The following PTPRT variants were observed in gnomAD, a reference collection of about 807,000 sequenced individuals.
The protein encoded by PTPRT is protein tyrosine phosphatase receptor type T.
PTPRT carries 56 observed loss-of-function variants against 176.8 expected under a neutral mutation model. The ratio of observed to expected loss-of-function variants is 0.32; its 90% CI spans 0.26 to 0.40. The LOEUF is 0.40. Ranked by LOEUF, PTPRT falls within the 10% of genes least tolerant of loss-of-function variation. PTPRT has a pLI of 1.00. For missense variants in PTPRT, 1,540 were observed against 1,908.2 expected (o/e 0.81, Z 3.60); for synonymous variants, 783 against 739.0 (o/e 1.06, Z -0.96).
chr20:42,638,345 T>C (rs908507202), intron 7 of PTPRT, among the ~76,000 whole-genome samples: 3 of 152,096 alleles, frequency 2.0e-5, no homozygotes, highest in African/African-American at 7.2e-5. Flanking sequence ...TACTTTGCCC[T>C]GCCTGAGCGG....
chr20:42,574,604 G>C (rs933329975), intron 7 of PTPRT, among the ~76,000 whole-genome samples: 2 of 152,102 alleles, frequency 1.3e-5, no homozygotes, highest in African/African-American at 4.8e-5. Context: ...GGCAGCCCAG[G>C]TGCTACTCAG....
At chr20:42,154,386 C>T (rs1190380250) in intron 17 of PTPRT, among the ~76,000 whole-genome samples, 1 of 152,174 alleles carries the variant, frequency 6.6e-6, no homozygotes, top group African/African-American at 2.4e-5. Flanking sequence ...TCAAAAGCTG[C>T]CTGCCTGCCA....
At chr20:42,316,036 T>G (rs2057716821) in intron 11 of PTPRT, 40 bp from the exon 12 acceptor site, 3 of 1,602,986 alleles carry the variant, frequency 1.9e-6, no homozygotes, top group African/African-American at 2.7e-5. Context: ...TGAGCAACTT[T>G]CTGGAAGAAT....
chr20:42,574,036 C>T (rs542316442), intron 7 of PTPRT, among the ~76,000 whole-genome samples: 9 of 152,090 alleles, frequency 5.9e-5, no homozygotes, highest in Non-Finnish European at 1.2e-4. Flanking sequence ...CGTGAGCCAC[C>T]GCACCCAGCA....
chr20:42,184,569 T>TCTTCTTCTTCTC (rs1990671559), intron 16 of PTPRT, among the ~76,000 whole-genome samples: 2 of 135,696 alleles, frequency 1.5e-5, no homozygotes, highest in African/African-American at 5.7e-5. Flanking sequence ...TTATTCTTCT[T>TCTTCTTCTTCTC]CTTCTTCTTC....
intron 17 of PTPRT, among the ~76,000 whole-genome samples, chr20:42,142,256 G>C (rs1312987125): frequency 6.6e-6 from 1 of 152,076 alleles, no homozygotes; most frequent in African/African-American, 2.4e-5. Flanking sequence ...GGAATCGCTT[G>C]TCCATTCATT....
chr20:42,730,265 G>C (rs1044520628), intron 6 of PTPRT, among the ~76,000 whole-genome samples: 1 of 152,188 alleles, frequency 6.6e-6, no homozygotes, highest in Non-Finnish European at 1.5e-5. Flanking sequence ...TGGGCTTCCA[G>C]ACTCACTGCT....
chr20:42,216,659 G>A (rs1298802853), intron 15 of PTPRT, among the ~76,000 whole-genome samples: 3 of 152,164 alleles, frequency 2.0e-5, no homozygotes, highest in Non-Finnish European at 2.9e-5. Flanking sequence ...ACATGTTTAT[G>A]GAATGAATGA....
At chr20:42,037,953 A>G in the PTPRT span, among the ~76,000 whole-genome samples, 6 of 152,286 alleles carry the variant, frequency 3.9e-5, no homozygotes, top group East Asian at 5.8e-4. Context: ...CAGCAATAGC[A>G]GGTAACATTT....
At chr20:42,545,008 C>T (rs924934454) in intron 7 of PTPRT, among the ~76,000 whole-genome samples, 2 of 152,154 alleles carry the variant, frequency 1.3e-5, no homozygotes, top group Non-Finnish European at 2.9e-5. Context: ...AGATCCAAGG[C>T]CTGGGCAGAA....
intron 22 of PTPRT, among the ~76,000 whole-genome samples, chr20:42,114,977 T>G (rs190746775): frequency 1.3e-5 from 2 of 152,288 alleles, no homozygotes; most frequent in East Asian, 3.9e-4. Context: ...TATCACAATG[T>G]GTTGTTATTT....
At chr20:42,522,931 T>C (rs902948725) in intron 7 of PTPRT, among the ~76,000 whole-genome samples, 13 of 152,266 alleles carry the variant, frequency 8.5e-5, no homozygotes, top group Admixed American at 7.8e-4. Flanking sequence ...ACGAATATGG[T>C]GGCTCATTTT....
chr20:42,098,334 G>A lies in PTPRT; in HGVS notation c.3846+87C>T, dbSNP rs1456740018. 4 of 1,545,082 alleles carry A rather than the reference G, an allele frequency of 2.6e-6. No homozygotes were observed. In the Admixed American group the frequency reaches 5.4e-5, roughly 21 times the overall value. On this transcript the variant is annotated intron_variant, in intron 27 of 30. Coordinates refer to ENST00000373187, the MANE Select transcript of PTPRT (RefSeq NM_007050.6). ...AAGACAGCTGGCTGGGGCAGATGTG[G>A]CAGGCACCGGCTGTCAAGGGATCTC...
At chr20:42,958,855 G>A (rs1981826763) in intron 1 of PTPRT, among the ~76,000 whole-genome samples, 1 of 152,068 alleles carries the variant, frequency 6.6e-6, no homozygotes, top group South Asian at 2.1e-4. Flanking sequence ...TTTCAAGGTG[G>A]CAACTCTGCC....
At chr20:42,615,211 T>C (rs1235478369) in intron 7 of PTPRT, among the ~76,000 whole-genome samples, 5 of 134,598 alleles carry the variant, frequency 3.7e-5, no homozygotes, top group South Asian at 2.4e-4. Context: ...CTTGCGATAG[T>C]TTACTGAGAA....
At chr20:42,792,203 C>T (rs996495845) in intron 2 of PTPRT, among the ~76,000 whole-genome samples, 3 of 152,158 alleles carry the variant, frequency 2.0e-5, no homozygotes, top group Non-Finnish European at 4.4e-5. Context: ...GAATCACAGC[C>T]ACATGGCCCA....
chr20:42,065,018 T>C, the PTPRT span, among the ~76,000 whole-genome samples: 1 of 152,192 alleles, frequency 6.6e-6, no homozygotes, highest in Non-Finnish European at 1.5e-5. Flanking sequence ...TGAAGGCACT[T>C]TAATTGACAG....
chr20:42,965,690 ACTT>A (rs1367300717), intron 1 of PTPRT, among the ~76,000 whole-genome samples: 1 of 152,144 alleles, frequency 6.6e-6, no homozygotes, highest in Non-Finnish European at 1.5e-5. Flanking sequence ...GAGCCATAAA[ACTT>A]CAACAAATAG....
At chr20:42,279,450 T>C (rs1413504944) in intron 13 of PTPRT, among the ~76,000 whole-genome samples, 1 of 152,122 alleles carries the variant, frequency 6.6e-6, no homozygotes, top group Non-Finnish European at 1.5e-5. Flanking sequence ...AAAAGATTCT[T>C]CCTCACAACA....
Sources: allele counts gnomAD v4.1 joint callset (sites outside exome capture counted in the v4.1 genomes callset), GRCh38; gene constraint gnomAD v4.1.1; transcripts MANE v1.5; gene names NCBI Gene and HGNC (gene_info 2026-07-23, HGNC 2026-07-21).